Variants in TMEM184B observed in about 807,000 individuals in gnomAD.
TMEM184B encodes the protein transmembrane protein 184B, also known as putative MAPK-activating protein FM08.
Under a neutral mutation model 41.8 loss-of-function variants are expected in TMEM184B, and 17 were observed. That is an observed-to-expected ratio of 0.41 (90% CI 0.28 to 0.61). TMEM184B has a LOEUF of 0.61. TMEM184B is among the 20% of genes least tolerant of loss of function. The pLI is 0.34. For missense variants in TMEM184B, 393 were observed against 557.8 expected, an observed-to-expected ratio of 0.70 and a Z score of 2.98; for synonymous variants, 240 against 229.5, an observed-to-expected ratio of 1.05 and a Z score of -0.41.
At chr22:38,240,444 A>G (rs931844492) in intron 3 of TMEM184B, among the ~76,000 whole-genome samples, 2 of 152,174 alleles carry the variant, frequency 1.3e-5, no homozygotes, top group African/African-American at 4.8e-5. Flanking sequence ...GGAAAACAGT[A>G]CCAAAAAAGA....
intron 3 of TMEM184B, among the ~76,000 whole-genome samples, chr22:38,242,595 C>T (rs1342451331): frequency 6.6e-6 from 1 of 152,242 alleles, no homozygotes; most frequent in Non-Finnish European, 1.5e-5. Context: ...CCCTCCTGGG[C>T]CCTCCTGGCC....
Position 38,219,851 on chromosome 22 carries a change from C to A in TMEM184B, c.*1618G>T. ...CAGCTTGGGCCCAACTGCTCCGCCC[C>A]CCCAAGATGGAGGGGGAGAGCTGGC... On this transcript the variant is annotated 3_prime_UTR_variant, in exon 9 of 9. Transcript: ENST00000361906. The A allele has an allele frequency of 3.0e-6, 3 of 985,414 alleles. No individual in the cohort carries two copies. Among genetic ancestry groups the A allele is most frequent in the Non-Finnish European group, 3.6e-6 (3 of 829,964 alleles). The allele number at this position is 985,414 out of a possible 1,614,324, so 61.0% of individuals were successfully genotyped here. A position where few individuals can be genotyped will look rare whatever the true frequency, so the allele number is the denominator to read the frequency against.
intron 4 of TMEM184B, among the ~76,000 whole-genome samples, 179 bp from the exon 5 acceptor site, chr22:38,230,923 T>C (rs937703695): frequency 4.6e-5 from 7 of 152,106 alleles, no homozygotes; most frequent in African/African-American, 7.2e-5. Context: ...GCACATGCCA[T>C]AGGCGGAGGG....
intron 4 of TMEM184B, 148 bp from the exon 5 acceptor site, chr22:38,230,892 G>A: frequency 1.3e-6 from 1 of 781,792 alleles, no homozygotes; most frequent in Non-Finnish European, 2.1e-6. Context: ...CAAGCACAGG[G>A]AGAGGCATGG....
At chr22:38,254,892 C>T (rs1363223593) in intron 1 of TMEM184B, among the ~76,000 whole-genome samples, 5 of 150,364 alleles carry the variant, frequency 3.3e-5, no homozygotes, top group Non-Finnish European at 5.9e-5. Context: ...TGGTCTGTCG[C>T]CCAGGCTGGA....
At chr22:38,232,633 T>C (rs2091664467) in intron 3 of TMEM184B, among the ~76,000 whole-genome samples, 2 of 152,122 alleles carry the variant, frequency 1.3e-5, no homozygotes, top group Non-Finnish European at 2.9e-5. Flanking sequence ...ACGGTGGCCC[T>C]CCAGCCAGAG....
chr22:38,236,981 C>A (rs567976728), intron 3 of TMEM184B, among the ~76,000 whole-genome samples: 23 of 152,254 alleles, frequency 1.5e-4, no homozygotes, highest in African/African-American at 5.5e-4. Context: ...TGTCGCCCTC[C>A]CAAATGCTGC....
intron 1 of TMEM184B, among the ~76,000 whole-genome samples, chr22:38,257,044 C>T (rs965693301): frequency 6.2e-5 from 9 of 144,828 alleles, no homozygotes; most frequent in African/African-American, 1.6e-4. Flanking sequence ...TGCAATGGCG[C>T]GATCTCGACT....
chr22:38,226,882 A>T lies in TMEM184B; in HGVS notation c.526-12T>A, dbSNP rs752383359. On this transcript the variant is annotated splice_polypyrimidine_tract_variant and intron_variant, in intron 5 of 8. Coordinates refer to ENST00000361906, the MANE Select transcript of TMEM184B (RefSeq NM_012264.5). This position sits in a 1 kb window ranked among gnomAD's most constrained non-coding sequence, Gnocchi z 4.6. Reference sequence around the variant, plus strand: ...AACTGCAGGGTGGCCTGTTGGGGGGAAAAGGAGGTTGAGTGTGGAGGAGGA... The same window carrying T: ...AACTGCAGGGTGGCCTGTTGGGGGGTAAAGGAGGTTGAGTGTGGAGGAGGA... 1 of 1,574,634 alleles carries T rather than the reference A, an allele frequency of 6.4e-7. No homozygotes were observed. Among genetic ancestry groups the T allele is most frequent in the South Asian group, 1.2e-5 (1 of 86,180 alleles).
At chr22:38,230,605 A>G in intron 5 of TMEM184B, 64 bp downstream of exon 5, 1 of 1,542,402 alleles carries the variant, frequency 6.5e-7, no homozygotes, top group African/African-American at 1.4e-5. Context: ...AGGGCAGCCC[A>G]CGGCAGGGCC....
At chr22:38,248,880 C>T (rs1011130812) in intron 1 of TMEM184B, among the ~76,000 whole-genome samples, 18 of 152,224 alleles carry the variant, frequency 1.2e-4, no homozygotes, top group African/African-American at 4.3e-4. Flanking sequence ...TCCCCCTTTC[C>T]TTAATGGCTG....
At chr22:38,248,567 G>A (rs2092092474) in intron 1 of TMEM184B, among the ~76,000 whole-genome samples, 2 of 152,186 alleles carry the variant, frequency 1.3e-5, no homozygotes, top group African/African-American at 2.4e-5. Flanking sequence ...CTCCCAGGCT[G>A]GGCATGCCTG....
At chr22:38,235,470 C>G (rs2091750613) in intron 3 of TMEM184B, among the ~76,000 whole-genome samples, 1 of 152,230 alleles carries the variant, frequency 6.6e-6, no homozygotes, top group Non-Finnish European at 1.5e-5. Flanking sequence ...GTAACCGGCT[C>G]TGCACACAAC....
chr22:38,270,059 G>A (rs900666644), intron 1 of TMEM184B, among the ~76,000 whole-genome samples: 3 of 152,152 alleles, frequency 2.0e-5, no homozygotes, highest in African/African-American at 7.2e-5. Context: ...ACTCCTTGGC[G>A]GGGCCTCCAA....
Position 38,221,549 on chromosome 22 carries a change from C to T in TMEM184B, c.1144G>A (p.Gly382Ser), listed in dbSNP as rs776855728. The T allele has an allele frequency of 1.5e-5, 24 of 1,613,684 alleles. No homozygotes were observed. The highest frequency in any genetic ancestry group is 1.6e-4 in the Middle Eastern group (1 of 6,084). Residue 382 changes from glycine to serine, a missense_variant, in exon 9 of 9, where the codon GGC (glycine) becomes AGC (serine). By Grantham distance (56) the Gly-to-Ser change is moderately conservative. This residue lies in a region of TMEM184B where 271 missense variants were observed against 434.1 expected (regional missense o/e 0.62). Coordinates refer to ENST00000361906, the MANE Select transcript of TMEM184B (RefSeq NM_012264.5). ...CTGAGGCTGTGGGAGCGGGAGAGGC[C>T]GTGGGCGCCACCACGCCAGGTGGGC... ...PGPTWRGGAHGLSRSHSLSGA... is the reference protein window; with the variant it reads ...PGPTWRGGAHSLSRSHSLSGA...
intron 3 of TMEM184B, among the ~76,000 whole-genome samples, chr22:38,234,775 A>G (rs1247539061): frequency 1.3e-5 from 2 of 152,080 alleles, no homozygotes; most frequent in East Asian, 3.9e-4. Flanking sequence ...CAAAAGCAAC[A>G]TTAAGTAAGG....
chr22:38,219,725 G>A lies in TMEM184B; in HGVS notation c.*1744C>T, dbSNP rs1045177522. The A allele has an allele frequency of 2.0e-6, 2 of 985,608 alleles. No individual in the cohort carries two copies. Among genetic ancestry groups the A allele is most frequent in the Non-Finnish European group, 2.4e-6 (2 of 830,144 alleles). The allele number at this position is 985,608 out of a possible 1,614,324, so 61.1% of individuals were successfully genotyped here. A position where few individuals can be genotyped will look rare whatever the true frequency, so the allele number is the denominator to read the frequency against. ...GGAATCAGCAGCACTTTGGCCTGGA[G>A]GGAGAAGGGAAGCCACGGTGGAGAG... On this transcript the variant is annotated 3_prime_UTR_variant, in exon 9 of 9. Transcript: ENST00000361906.
intron 1 of TMEM184B, among the ~76,000 whole-genome samples, chr22:38,256,465 G>A (rs1031158646): frequency 1.4e-4 from 22 of 152,032 alleles, no homozygotes; most frequent in African/African-American, 3.4e-4. Flanking sequence ...TCCTGACCTC[G>A]TGATCCTCCC....
chr22:38,220,130 T>C lies in TMEM184B; in HGVS notation c.*1339A>G. On this transcript the variant is annotated 3_prime_UTR_variant, in exon 9 of 9. Transcript: ENST00000361906. ...GACACTTTGCCTGTAGGGACACGTGTTGTGACACGAGGCTCTTCCTAAGTC... is the reference window on the plus strand; with the variant it reads ...GACACTTTGCCTGTAGGGACACGTGCTGTGACACGAGGCTCTTCCTAAGTC... The C allele has an allele frequency of 1.0e-6, 1 of 985,268 alleles. No homozygotes were observed. Among genetic ancestry groups the C allele is most frequent in the Non-Finnish European group, 1.2e-6 (1 of 829,898 alleles). 61.0% of individuals were successfully genotyped at this position (985,268 alleles called of 1,614,324 possible). A position where few individuals can be genotyped will look rare whatever the true frequency, so the allele number is the denominator to read the frequency against.
Sources: allele counts gnomAD v4.1 joint callset (sites outside exome capture counted in the v4.1 genomes callset), GRCh38; gene constraint gnomAD v4.1.1; regional missense constraint gnomAD v4.1.1; non-coding constraint Gnocchi (gnomAD v3.1); transcripts MANE v1.5; gene names NCBI Gene and HGNC (gene_info 2026-07-23, HGNC 2026-07-21).